Variants in CADPS observed in about 807,000 individuals in gnomAD.
The protein encoded by CADPS is calcium-dependent secretion activator 1.
CADPS carries 57 observed loss-of-function variants against 167.3 expected under a neutral mutation model. The observed-to-expected ratio is 0.34, with a 90% CI of 0.28 to 0.42. The LOEUF (loss-of-function observed/expected upper bound fraction) is 0.42, where lower values mean the gene tolerates loss of function less well. CADPS is among the 20% of genes least tolerant of loss of function. The pLI is 1.00. For missense variants in CADPS, 1,414 were observed against 1,738.1 expected (o/e 0.81, Z 3.32); for synonymous variants, 676 against 635.3 (o/e 1.06, Z -0.96).
intron 24 of CADPS, among the ~76,000 whole-genome samples, chr3:62,472,535 T>C (rs2060750612): frequency 6.6e-6 from 1 of 152,010 alleles, no homozygotes; most frequent in African/African-American, 2.4e-5. Flanking sequence ...CTTAGGTGGG[T>C]GGTGGGCAGT....
chr3:62,435,636 A>G (rs1207934472), intron 28 of CADPS, among the ~76,000 whole-genome samples: 1 of 152,176 alleles, frequency 6.6e-6, no homozygotes, highest in Admixed American at 6.5e-5. Flanking sequence ...ATGGCAAAGA[A>G]ACTTGTTATC....
At chr3:62,684,601 C>A (rs1468310580) in intron 3 of CADPS, among the ~76,000 whole-genome samples, 1 of 152,016 alleles carries the variant, frequency 6.6e-6, no homozygotes, top group Non-Finnish European at 1.5e-5. Flanking sequence ...AAAGGGCATA[C>A]CCAAGATTCA....
At chr3:62,668,988 G>A (rs1415913864) in intron 3 of CADPS, among the ~76,000 whole-genome samples, 3 of 152,188 alleles carry the variant, frequency 2.0e-5, no homozygotes, top group African/African-American at 7.2e-5. Flanking sequence ...TCCAGCAAGT[G>A]CCATTCTCTG....
intron 6 of CADPS, among the ~76,000 whole-genome samples, chr3:62,598,887 A>C (rs1490722373): frequency 1.3e-5 from 2 of 152,108 alleles, no homozygotes; most frequent in Non-Finnish European, 2.9e-5. Context: ...ACGTTGGGCC[A>C]CTCTGGCTTT....
At chr3:62,671,116 C>T (rs2075433288) in intron 3 of CADPS, among the ~76,000 whole-genome samples, 1 of 152,158 alleles carries the variant, frequency 6.6e-6, no homozygotes, top group East Asian at 1.9e-4. Flanking sequence ...CTAACAGTAA[C>T]AATGCCAACA....
intron 1 of CADPS, among the ~76,000 whole-genome samples, chr3:62,780,148 C>T (rs1056879378): frequency 2.0e-5 from 3 of 152,150 alleles, no homozygotes; most frequent in African/African-American, 7.2e-5. Context: ...GCTGGGATTA[C>T]AGGCGTGAGC....
At chr3:62,520,365 C>G (rs971252318) in intron 13 of CADPS, among the ~76,000 whole-genome samples, 16 of 152,156 alleles carry the variant, frequency 1.1e-4, no homozygotes, top group African/African-American at 3.9e-4. Context: ...TATTACAAAC[C>G]TAACAATGGA....
intron 1 of CADPS, among the ~76,000 whole-genome samples, chr3:62,862,011 T>C (rs2080887223): frequency 6.6e-6 from 1 of 151,842 alleles, no homozygotes; most frequent in Admixed American, 6.6e-5. Context: ...ATTTCATTCA[T>C]TAGGCAGGAG....
At chr3:62,471,396 G>A (rs892593693) in intron 24 of CADPS, among the ~76,000 whole-genome samples, 1 of 152,168 alleles carries the variant, frequency 6.6e-6, no homozygotes, top group African/African-American at 2.4e-5. Flanking sequence ...GTCTGAAATT[G>A]TAGAGTAATA....
rs1358308689 is a variant in CADPS, at chr3:62,478,421, C to T, written c.3174-5G>A. The T allele has an allele frequency of 5.6e-6, 9 of 1,612,244 alleles. No individual in the cohort carries two copies. Among genetic ancestry groups the T allele is most frequent in the African/African-American group, 1.3e-5 (1 of 74,836 alleles). The stretch of plus-strand genomic sequence containing the variant: ...TCTGAGGTGCCTGACCCATTACTGG[C>T]AGGACAAAAATTAGAAAATGAGAGT... On this transcript the variant is annotated splice_region_variant and splice_polypyrimidine_tract_variant and intron_variant, in intron 22 of 29. Transcript: ENST00000383710. The surrounding 1 kb of genome is among the most constrained non-coding windows in gnomAD (Gnocchi z 5.7).
In CADPS at chr3:62,802,757, T is replaced by G. The variant is rs904510652; in HGVS notation, c.442-36773A>C. ...CTTGACACCTTCATAGTTTTTCAAATCAGGAAACTGAAGTTAGTTCATTAT... is the reference window on the plus strand; with the variant it reads ...CTTGACACCTTCATAGTTTTTCAAAGCAGGAAACTGAAGTTAGTTCATTAT... On this transcript the variant is annotated intron_variant, in intron 1 of 29. Transcript: ENST00000383710. 3.3e-5 allele frequency among the ~76,000 whole-genome samples: 5 copies of G among 152,182 alleles called. No individual in the cohort carries two copies. In the East Asian group the frequency reaches 9.6e-4, roughly 29 times the overall value.
chr3:62,763,889 C>CA (rs1423242736), intron 2 of CADPS, among the ~76,000 whole-genome samples: 2 of 152,074 alleles, frequency 1.3e-5, no homozygotes, highest in Non-Finnish European at 2.9e-5. Flanking sequence ...TCTTACCAGA[C>CA]AAAAAATGAA....
chr3:62,754,028 T>C (rs2083299654), intron 2 of CADPS, among the ~76,000 whole-genome samples: 1 of 152,134 alleles, frequency 6.6e-6, no homozygotes, highest in African/African-American at 2.4e-5. Context: ...AATGAGATGA[T>C]ACTATCATGA....
chr3:62,701,409 T>C (rs561200462), intron 3 of CADPS, among the ~76,000 whole-genome samples: 1 of 152,054 alleles, frequency 6.6e-6, no homozygotes, highest in South Asian at 2.1e-4. Context: ...TTCTGGACTA[T>C]GACAGGGAAC....
At position 62,628,871 on chromosome 3, in the gene CADPS, C is replaced by T. The variant is rs571763981; in HGVS notation, c.1325+16851G>A. The stretch of plus-strand genomic sequence containing the variant: ...TGATCTCTTGACCTCGTGATTCACC[C>T]GCCTCAGCCTCCCAAAGTGCTGGGA... On this transcript the variant is annotated intron_variant, in intron 6 of 29. Coordinates refer to ENST00000383710, the MANE Select transcript of CADPS (RefSeq NM_003716.4). 3.3e-5 allele frequency among the ~76,000 whole-genome samples: 5 copies of T among 152,112 alleles called. No homozygotes were observed. The East Asian group carries it at 5.8e-4, about 18-fold the overall frequency.
At chr3:62,774,249 T>C (rs1297756639) in intron 1 of CADPS, among the ~76,000 whole-genome samples, 1 of 152,056 alleles carries the variant, frequency 6.6e-6, no homozygotes, top group African/African-American at 2.4e-5. Flanking sequence ...AGGTGTTCTT[T>C]AGTAGGACAA....
At chr3:62,522,012 T>G (rs539224307) in intron 13 of CADPS, among the ~76,000 whole-genome samples, 1 of 152,178 alleles carries the variant, frequency 6.6e-6, no homozygotes, top group Non-Finnish European at 1.5e-5. Flanking sequence ...CCAGCAGCTG[T>G]GCCTTGACCA....
In CADPS at chr3:62,857,700, A is replaced by G. The variant is rs573881229; in HGVS notation, c.441+16889T>C. On this transcript the variant is annotated intron_variant, in intron 1 of 29. Coordinates refer to ENST00000383710, the MANE Select transcript of CADPS (RefSeq NM_003716.4). ...TATATCCATGCAGATGTATAAATAT[A>G]TATTATGTGCATAATGGATGTCTTT... Among the ~76,000 whole-genome samples the G allele has an allele frequency of 2.0e-5, 3 of 152,160 alleles. No individual in the cohort carries two copies. The East Asian group carries it at 5.8e-4, about 29-fold the overall frequency.
chr3:62,696,457 T>C (rs1031508568), intron 3 of CADPS, among the ~76,000 whole-genome samples: 6 of 152,094 alleles, frequency 3.9e-5, no homozygotes, highest in Middle Eastern at 3.4e-3. Flanking sequence ...ATTAGACCCA[T>C]AGGGCCCTGC....
Sources: gnomAD v4.1 joint callset for allele counts (sites outside exome capture counted in the v4.1 genomes callset) on GRCh38, gnomAD v4.1.1 for gene constraint, Gnocchi (gnomAD v3.1) non-coding constraint, MANE v1.5 for transcripts, NCBI Gene and HGNC (gene_info 2026-07-23, HGNC 2026-07-21) for gene names.